Variants in SOX6 observed in about 807,000 individuals in gnomAD.
SOX6 encodes the protein transcription factor SOX-6.
Under a neutral mutation model 97.8 loss-of-function variants are expected in SOX6, and 11 were observed. That is an observed-to-expected ratio of 0.11 (90% CI 0.07 to 0.19). SOX6 has a LOEUF of 0.19. SOX6 is among the 10% of genes least tolerant of loss of function. SOX6 has a pLI of 1.00. For synonymous variants in SOX6, 360 were observed against 371.4 expected, an observed-to-expected ratio of 0.97 and a Z score of 0.35; for missense variants, 810 against 1,039.5, an observed-to-expected ratio of 0.78 and a Z score of 3.04.
At chr11:16,153,847 A>T (rs554962364) in intron 6 of SOX6, among the ~76,000 whole-genome samples, 10 of 150,218 alleles carry the variant, frequency 6.7e-5, no homozygotes, top group South Asian at 4.2e-4. Context: ...AGTCAAAAAT[A>T]AAAAAAAAAT....
chr11:16,038,479 C>T lies in SOX6; in HGVS notation c.1623+8035G>A, dbSNP rs144854883. Among the ~76,000 whole-genome samples, 992 of 152,076 alleles carry T rather than the reference C, an allele frequency of 6.5e-3. 9 individuals are homozygous for T. Among genetic ancestry groups the T allele is most frequent in the African/African-American group, 0.021 (855 of 41,494 alleles). The stretch of plus-strand genomic sequence containing the variant: ...AGGTGGGAGAGAGAGGAAAAGAAGA[C>T]TGGGAAAGAGGGAGGAAGGGAGTAA... On this transcript the variant is annotated intron_variant, in intron 12 of 15. Coordinates refer to ENST00000683767, the MANE Select transcript of SOX6 (RefSeq NM_001367873.1).
chr11:16,507,037 C>A (rs780738921), intron 4 of SOX6, among the ~76,000 whole-genome samples: 18 of 151,992 alleles, frequency 1.2e-4, no homozygotes, highest in Non-Finnish European at 2.4e-4. Context: ...GCACTCCAGC[C>A]ATGATAACGG....
chr11:16,073,780 A>T (rs954706490), intron 9 of SOX6, among the ~76,000 whole-genome samples: 2 of 152,222 alleles, frequency 1.3e-5, no homozygotes, highest in Admixed American at 1.3e-4. Flanking sequence ...AATCATTACT[A>T]GGAAAATCAC....
chr11:16,532,399 T>C (rs182927125), intron 4 of SOX6, among the ~76,000 whole-genome samples: 26 of 152,044 alleles, frequency 1.7e-4, no homozygotes, highest in Non-Finnish European at 2.9e-4. Flanking sequence ...CACTGGGCTC[T>C]AAATTAATTC....
At chr11:16,041,904 C>A (rs907082602) in intron 12 of SOX6, among the ~76,000 whole-genome samples, 2 of 152,002 alleles carry the variant, frequency 1.3e-5, no homozygotes, top group African/African-American at 4.8e-5. Context: ...GATCCAAGGA[C>A]CAATAGGTTG....
chr11:16,289,055 GA>G (rs147331924), intron 3 of SOX6, among the ~76,000 whole-genome samples: 1 of 151,216 alleles, frequency 6.6e-6, no homozygotes, highest in African/African-American at 2.4e-5. Context: ...AATTTATTGA[GA>G]AAAAAATTAA....
intron 1 of SOX6, among the ~76,000 whole-genome samples, chr11:16,421,755 A>G (rs900381577): frequency 1.3e-5 from 2 of 152,236 alleles, no homozygotes; most frequent in African/African-American, 4.8e-5. Context: ...CTTAGGTCAC[A>G]TTTCAAGTAA....
intron 3 of SOX6, among the ~76,000 whole-genome samples, chr11:16,303,949 C>T (rs1213537898): frequency 6.6e-6 from 1 of 152,048 alleles, no homozygotes; most frequent in African/African-American, 2.4e-5. Context: ...GGAGTTCTTG[C>T]TCTGTTACCC....
chr11:16,351,500 C>T (rs993707509), intron 1 of SOX6, among the ~76,000 whole-genome samples: 15 of 152,048 alleles, frequency 9.9e-5, no homozygotes, highest in Non-Finnish European at 2.9e-5. Flanking sequence ...CTTCATCAAG[C>T]CACTCTCCTG....
At chr11:16,189,242 A>C (rs1325425846) in intron 4 of SOX6, among the ~76,000 whole-genome samples, 1 of 152,158 alleles carries the variant, frequency 6.6e-6, no homozygotes, top group East Asian at 1.9e-4. Context: ...CAGAAGGATA[A>C]ATAGGAGTTA....
intron 4 of SOX6, among the ~76,000 whole-genome samples, chr11:16,486,769 A>G (rs1860442477): frequency 1.3e-5 from 2 of 152,090 alleles, no homozygotes; most frequent in Admixed American, 1.3e-4. Flanking sequence ...AATCACTTGA[A>G]CCTGGGAGGC....
intron 3 of SOX6, among the ~76,000 whole-genome samples, chr11:16,283,582 T>C (rs898762492): frequency 2.0e-5 from 3 of 151,758 alleles, no homozygotes; most frequent in Non-Finnish European, 4.4e-5. Context: ...GAAAACCCTT[T>C]GTAAAACACT....
At chr11:16,000,729 T>C (rs567036211) in intron 13 of SOX6, among the ~76,000 whole-genome samples, 129 of 152,140 alleles carry the variant, frequency 8.5e-4, no homozygotes, top group Non-Finnish European at 1.2e-3. Context: ...TGTGTGTGTG[T>C]GCGCGCGTGC....
intron 4 of SOX6, among the ~76,000 whole-genome samples, chr11:16,520,933 C>T (rs1396128329): frequency 3.9e-5 from 6 of 152,186 alleles, no homozygotes; most frequent in Non-Finnish European, 8.8e-5. Flanking sequence ...GGGAGGGGTG[C>T]CCCGCCATTG....
At position 16,328,598 on chromosome 11, in the gene SOX6, A is replaced by G. The variant is rs16932928; in HGVS notation, c.238-9945T>C. Among the ~76,000 whole-genome samples the G allele has an allele frequency of 3.8e-3, 582 of 152,316 alleles. 14 individuals carry two copies. The highest frequency in any genetic ancestry group is 0.032 in the Admixed American group (489 of 15,286). ...ACATATATACAACTATGTTTGACAT[A>G]TTACATTAACTTATACCACAGACAA... On this transcript the variant is annotated intron_variant, in intron 2 of 15. Transcript: ENST00000683767.
intron 6 of SOX6, among the ~76,000 whole-genome samples, chr11:16,151,110 T>C (rs191029128): frequency 6.6e-6 from 1 of 152,296 alleles, no homozygotes; most frequent in Non-Finnish European, 1.5e-5. Context: ...AAATGGGAAA[T>C]GGAAAATTTT....
At chr11:16,261,397 T>G (rs1298584466) in intron 3 of SOX6, among the ~76,000 whole-genome samples, 2 of 152,160 alleles carry the variant, frequency 1.3e-5, no homozygotes, top group Non-Finnish European at 2.9e-5. Context: ...TTTTCTGTAA[T>G]TTTTTTCTGC....
chr11:16,687,596 C>T (rs1035582580), intron 3 of SOX6, among the ~76,000 whole-genome samples: 4 of 152,160 alleles, frequency 2.6e-5, no homozygotes, highest in African/African-American at 7.2e-5. Context: ...GAATCTTTAG[C>T]TTTTATGTGC....
At chr11:16,641,005 T>G (rs1042482481) in intron 3 of SOX6, among the ~76,000 whole-genome samples, 20 of 152,118 alleles carry the variant, frequency 1.3e-4, no homozygotes, top group African/African-American at 2.9e-4. Context: ...TGATGTTAGG[T>G]TGTCCATTTT....
Sources: gnomAD v4.1 joint callset for allele counts (sites outside exome capture counted in the v4.1 genomes callset) on GRCh38, gnomAD v4.1.1 for gene constraint, MANE v1.5 for transcripts, NCBI Gene and HGNC (gene_info 2026-07-23, HGNC 2026-07-21) for gene names.